Variants in MKNK2 observed in about 807,000 individuals in gnomAD.
MKNK2 encodes the protein MAP kinase-interacting serine/threonine-protein kinase 2.
Under a neutral mutation model 55.0 loss-of-function variants are expected in MKNK2, and 54 were observed. The observed-to-expected ratio is 0.98, with a 90% confidence interval of 0.79 to 1.23. The LOEUF (loss-of-function observed/expected upper bound fraction) is 1.23. MKNK2 is among the 50% of genes most tolerant of loss of function. MKNK2 has a pLI of 0.00. For synonymous variants in MKNK2, 323 were observed against 256.0 expected, an observed-to-expected ratio of 1.26 and a Z score of -2.50; for missense variants, 685 against 632.1, an observed-to-expected ratio of 1.08 and a Z score of -0.90.
chr19:2,038,353 G>A lies in MKNK2; in HGVS notation c.*1260C>T, dbSNP rs989031140. On this transcript the variant is annotated 3_prime_UTR_variant, in exon 14 of 14. Transcript: ENST00000250896. ...AGCTGTGGAGCTCGGGGGCTGCGCC[G>A]GGAAGGGCGGGCGGTGACCCTAGCC... The A allele has an allele frequency of 5.3e-5, 52 of 986,666 alleles. No homozygotes were observed. Among genetic ancestry groups the A allele is most frequent in the Admixed American group, 4.9e-4 (8 of 16,448 alleles). 61.1% of individuals were successfully genotyped at this position (986,666 alleles called of 1,614,324 possible).
chr19:2,046,063 C>A lies in MKNK2; in HGVS notation c.339+123G>T, dbSNP rs2016988478. On this transcript the variant is annotated intron_variant, in intron 5 of 13. Transcript: ENST00000250896. ...CCCGACTGGACTCAGGGCCCGGTGGCCACTTTTAGACACGGGTCTTCCCGG... is the reference window on the plus strand; with the variant it reads ...CCCGACTGGACTCAGGGCCCGGTGGACACTTTTAGACACGGGTCTTCCCGG... 4.1e-6 allele frequency: 4 copies of A among 986,960 alleles called. No individual in the cohort carries two copies. The South Asian group carries it at 5.7e-5, about 14-fold the overall frequency. The allele number at this position is 986,960 out of a possible 1,614,324, so 61.1% of individuals were successfully genotyped here.
At chr19:2,048,580 T>C (rs2017048314) in intron 2 of MKNK2, among the ~76,000 whole-genome samples, 4 of 152,100 alleles carry the variant, frequency 2.6e-5, no homozygotes, top group Admixed American at 2.0e-4. Flanking sequence ...TGCCCCTCTC[T>C]GGGCCCCAGA....
At position 2,038,112 on chromosome 19, in the gene MKNK2, ACC is replaced by A; in HGVS notation, c.*1499_*1500del. On this transcript the variant is annotated 3_prime_UTR_variant, in exon 14 of 14. Transcript: ENST00000250896. ...GGGAAGGCAGAGCACCCCCACGGCCACCGGACTGTGACCATCATACGAGATTC... is the reference window on the plus strand; with the variant it reads ...GGGAAGGCAGAGCACCCCCACGGCCAGGACTGTGACCATCATACGAGATTC... 9.1e-7 allele frequency: 1 copy of A among 1,102,236 alleles called. No individual in the cohort carries two copies. Among genetic ancestry groups the A allele is most frequent in the South Asian group, 3.8e-5 (1 of 26,494 alleles). 68.3% of individuals were successfully genotyped at this position (1,102,236 alleles called of 1,614,324 possible).
chr19:2,047,148 C>T (rs963493349), intron 2 of MKNK2, among the ~76,000 whole-genome samples: 2 of 152,174 alleles, frequency 1.3e-5, no homozygotes, highest in East Asian at 1.9e-4. Context: ...GACGCAGAGT[C>T]TCTTAGGGGG....
In MKNK2 at chr19:2,039,697, T is replaced by C. The variant is rs1282577168; in HGVS notation, c.1314A>G (p.Pro438=). ...RATSRCLQLS[P]PSQSKLAQRR... ...GCTGCGCCAGCTTGGACTGGGAGGG[T>C]GGAGACAGCTGCAGGCAGCGTGAGG... Residue 438 remains proline (P), a synonymous_variant, in exon 14 of 14, where the codon CCA becomes CCG. Transcript: ENST00000250896. The C allele has an allele frequency of 1.9e-6, 3 of 1,612,482 alleles. No homozygotes were observed. Among genetic ancestry groups the C allele is most frequent in the Non-Finnish European group, 2.5e-6 (3 of 1,179,884 alleles).
rs760780957 is a variant in MKNK2, at chr19:2,037,845, A to AC, written c.*1767_*1768insG. 5.8e-5 allele frequency: 92 copies of AC among 1,577,808 alleles called. No individual in the cohort carries two copies. The highest frequency in any genetic ancestry group is 3.4e-4 in the South Asian group (30 of 86,966). On this transcript the variant is annotated 3_prime_UTR_variant, in exon 14 of 14. Coordinates refer to ENST00000250896, the MANE Select transcript of MKNK2 (RefSeq NM_199054.3). ...ACTGTCCCACCTTCAGAAAAAAAAA[A>AC]AAAAACAAACAAACAAACGCTGCTA... is the stretch of plus-strand genomic sequence containing the variant.
intron 5 of MKNK2, 29 bp from the exon 6 acceptor site, chr19:2,043,611 G>C: frequency 6.2e-7 from 1 of 1,607,086 alleles, no homozygotes; most frequent in South Asian, 1.1e-5. Context: ...CACAGCACCT[G>C]GGTTGGTGGG....
At chr19:2,040,504 A>G in intron 12 of MKNK2, 1 of 353,218 alleles carries the variant, frequency 2.8e-6, no homozygotes, top group African/African-American at 2.1e-5. Context: ...CTCTTAACCC[A>G]TGGGTCTCTG....
chr19:2,040,058 G>C, intron 13 of MKNK2, 76 bp downstream of exon 13: 1 of 1,488,288 alleles, frequency 6.7e-7, no homozygotes, highest in Non-Finnish European at 9.2e-7. Flanking sequence ...CAGTTCTCCG[G>C]GTCTTTCACA....
intron 2 of MKNK2, among the ~76,000 whole-genome samples, chr19:2,047,506 C>T (rs1300054866): frequency 6.6e-6 from 1 of 152,210 alleles, no homozygotes; most frequent in Non-Finnish European, 1.5e-5. Context: ...CCGTGTCTTG[C>T]ACCTCCGTCT....
rs943199086 is a variant in MKNK2 at position 2,042,180 on chromosome 19, C to A, written c.751-146G>T. 12 of 810,272 alleles carry A rather than the reference C, an allele frequency of 1.5e-5. No individual in the cohort carries two copies. In the East Asian group the frequency reaches 3.5e-4, roughly 24 times the overall value. 50.2% of individuals were successfully genotyped at this position (810,272 alleles called of 1,614,324 possible). A position where few individuals can be genotyped will look rare whatever the true frequency, so the allele number is the denominator to read the frequency against. ...ATCAGCGGCTGCCGGGAACGCGCCCCCGCCCAATCAGCAGGTGCAGAGCTC... is the reference window on the plus strand; with the variant it reads ...ATCAGCGGCTGCCGGGAACGCGCCCACGCCCAATCAGCAGGTGCAGAGCTC... On this transcript the variant is annotated intron_variant, in intron 10 of 13. Coordinates refer to ENST00000250896, the MANE Select transcript of MKNK2 (RefSeq NM_199054.3).
rs558167086 is a variant in MKNK2, at chr19:2,039,481, C to T, written c.*132G>A. The T allele has an allele frequency of 8.9e-4, 1,266 of 1,424,606 alleles. No homozygotes were observed. Among genetic ancestry groups the T allele is most frequent in the Non-Finnish European group, 1.1e-3 (1,178 of 1,089,748 alleles). The allele number at this position is 1,424,606 out of a possible 1,614,324, so 88.2% of individuals were successfully genotyped here. The stretch of plus-strand genomic sequence containing the variant: ...AAAACCTTCTATAAAACACCCCCCT[C>T]AGCTGAGCTTAGTGCCTGGGAATCC... On this transcript the variant is annotated 3_prime_UTR_variant, in exon 14 of 14. Coordinates refer to ENST00000250896, the MANE Select transcript of MKNK2 (RefSeq NM_199054.3).
chr19:2,039,136 G>A lies in MKNK2; in HGVS notation c.*477C>T. ...TGCTCTCAGGGTGAGGGATAGAGGG[G>A]AAGAGCCTGTCCCTGAAATACTGCG... On this transcript the variant is annotated 3_prime_UTR_variant, in exon 14 of 14. Transcript: ENST00000250896. 1 of 991,906 alleles carries A rather than the reference G, an allele frequency of 1.0e-6. No individual in the cohort carries two copies. Among genetic ancestry groups the A allele is most frequent in the African/African-American group, 1.7e-5 (1 of 57,506 alleles). 61.4% of individuals were successfully genotyped at this position (991,906 alleles called of 1,614,324 possible).
chr19:2,040,965 G>T (rs1275536009), intron 12 of MKNK2, 75 bp downstream of exon 12: 1 of 1,442,904 alleles, frequency 6.9e-7, no homozygotes, highest in Middle Eastern at 1.8e-4. Context: ...CACCCTCAGG[G>T]CTTCCCATGC....
intron 7 of MKNK2, 68 bp from the exon 8 acceptor site, chr19:2,042,938 G>T: frequency 6.8e-7 from 1 of 1,474,408 alleles, no homozygotes. Flanking sequence ...CTCAAGGCCA[G>T]CACCCACCTC....
At chr19:2,041,493 G>T (rs897673960) in intron 11 of MKNK2, among the ~76,000 whole-genome samples, 1 of 152,262 alleles carries the variant, frequency 6.6e-6, no homozygotes, top group Admixed American at 6.5e-5. Context: ...CAAACCAGGG[G>T]CCTCACTCCA....
chr19:2,043,051 A>C, intron 7 of MKNK2, 73 bp downstream of exon 7: 1 of 1,367,652 alleles, frequency 7.3e-7, no homozygotes, highest in Admixed American at 1.7e-5. Flanking sequence ...CCCCTCCTGC[A>C]GGTGGCACTA....
Position 2,046,352 on chromosome 19 carries a change from G to A in MKNK2, c.241+15C>T, listed in dbSNP as rs369061341. ...CCCGCTCCCGGCTCCCCCAATGCCC[G>A]CCATCCCCGCTCACCTTCAAACCTG... is the stretch of plus-strand genomic sequence containing the variant. On this transcript the variant is annotated intron_variant, in intron 4 of 13. Coordinates refer to ENST00000250896, the MANE Select transcript of MKNK2 (RefSeq NM_199054.3). 109 of 1,605,290 alleles carry A rather than the reference G, an allele frequency of 6.8e-5. No individual in the cohort carries two copies. Among genetic ancestry groups the A allele is most frequent in the Admixed American group, 1.0e-4 (6 of 59,956 alleles).
rs1179992321 is a variant in MKNK2 at position 2,042,527 on chromosome 19, G to A, written c.655-5C>T. The A allele has an allele frequency of 1.9e-6, 3 of 1,591,834 alleles. No homozygotes were observed. Among genetic ancestry groups the A allele is most frequent in the African/African-American group, 1.3e-5 (1 of 74,824 alleles). ...ACAGATCTTCACGGGGGAGACCTGGGAGGGGCCAAAAGGTCCGTGAGCCTG... is the reference window on the plus strand; with the variant it reads ...ACAGATCTTCACGGGGGAGACCTGGAAGGGGCCAAAAGGTCCGTGAGCCTG... On this transcript the variant is annotated splice_region_variant and splice_polypyrimidine_tract_variant and intron_variant, in intron 9 of 13. Coordinates refer to ENST00000250896, the MANE Select transcript of MKNK2 (RefSeq NM_199054.3).
Sources: gnomAD v4.1 joint callset for allele counts (sites outside exome capture counted in the v4.1 genomes callset) on GRCh38, gnomAD v4.1.1 for gene constraint, MANE v1.5 for transcripts, NCBI Gene and HGNC (gene_info 2026-07-23, HGNC 2026-07-21) for gene names.